Variants in FAIM observed in about 807,000 individuals in gnomAD.
FAIM encodes fas apoptotic inhibitory molecule 1.
A neutral mutation model predicts 21.2 loss-of-function variants in FAIM; 14 were observed. That is an observed-to-expected ratio of 0.66 (90% CI 0.44 to 1.03). The LOEUF (loss-of-function observed/expected upper bound fraction) is 1.03. Ranked by LOEUF, FAIM falls within the 50% of genes least tolerant of loss-of-function variation. The pLI, the probability that FAIM is intolerant of heterozygous loss-of-function variation, is 0.00. For synonymous variants in FAIM, 86 were observed against 80.4 expected (o/e 1.07, Z -0.37); for missense variants, 222 against 247.1 (o/e 0.90, Z 0.68).
chr3:138,628,726 G>A (rs112663291), intron 4 of FAIM, among the ~76,000 whole-genome samples: 8 of 151,902 alleles, frequency 5.3e-5, no homozygotes, highest in South Asian at 4.1e-4. Flanking sequence ...CTTGTGATCC[G>A]CCTGCCTCAG....
intron 1 of FAIM, among the ~76,000 whole-genome samples, chr3:138,611,756 C>T (rs902301364): frequency 2.0e-5 from 3 of 152,150 alleles, no homozygotes; most frequent in African/African-American, 7.2e-5. Flanking sequence ...TGTACCTCCC[C>T]GCTGTCTCTC....
Position 138,622,327 on chromosome 3 carries a change from A to G in FAIM, c.317A>G (p.Lys106Arg). ...GAATATACTCTGGAAATTAATGGGA[A>G]AAGTCTCAAGAAGTATATGGAGGAC... ...AYEYTLEINGKSLKKYMEDRS... is the reference protein window; with the variant it reads ...AYEYTLEINGRSLKKYMEDRS... Residue 106 changes from lysine to arginine, a missense_variant, in exon 4 of 6, where the codon AAA (lysine) becomes AGA (arginine). Physicochemically the swap from Lys to Arg is conservative, Grantham distance 26 (BLOSUM62 2). Coordinates refer to ENST00000360570, the MANE Select transcript of FAIM (RefSeq NM_001033031.2). 6.2e-7 allele frequency: 1 copy of G among 1,614,016 alleles called. No homozygotes were observed. Among genetic ancestry groups the G allele is most frequent in the South Asian group, 1.1e-5 (1 of 91,076 alleles).
chr3:138,624,243 AG>A (rs1174028709), intron 4 of FAIM, among the ~76,000 whole-genome samples: 1 of 152,204 alleles, frequency 6.6e-6, no homozygotes, highest in East Asian at 1.9e-4. Flanking sequence ...TGATGAAACC[AG>A]GCCTTTAAAT....
At chr3:138,628,294 A>G (rs1444205748) in intron 4 of FAIM, among the ~76,000 whole-genome samples, 1 of 152,158 alleles carries the variant, frequency 6.6e-6, no homozygotes, top group Non-Finnish European at 1.5e-5. Flanking sequence ...AGATTTCTAA[A>G]GCGGACATGC....
chr3:138,621,059 G>A (rs914527267), intron 2 of FAIM, among the ~76,000 whole-genome samples: 1 of 152,086 alleles, frequency 6.6e-6, no homozygotes, highest in Non-Finnish European at 1.5e-5. Flanking sequence ...GGAGCTGGTG[G>A]GAGAAGAATA....
At chr3:138,611,019 C>CA (rs1440133804) in intron 1 of FAIM, 24 of 1,613,570 alleles carry the variant, frequency 1.5e-5, no homozygotes, top group Non-Finnish European at 1.9e-5. Flanking sequence ...TTGGTATCTC[C>CA]GGACTCTGCC....
intron 1 of FAIM, among the ~76,000 whole-genome samples, chr3:138,617,859 T>C (rs113168179): frequency 6.8e-6 from 1 of 146,778 alleles, no homozygotes; most frequent in Non-Finnish European, 1.5e-5. Context: ...CTATCTATAT[T>C]ATCTAATTAG....
intron 2 of FAIM, 144 bp from the exon 3 acceptor site, chr3:138,621,263 C>A: frequency 1.3e-6 from 1 of 769,224 alleles, no homozygotes; most frequent in Non-Finnish European, 2.1e-6. Flanking sequence ...GTTACATGTA[C>A]TGTGAGTAGA....
chr3:138,612,720 T>C (rs1408045650), intron 1 of FAIM, among the ~76,000 whole-genome samples: 1 of 152,204 alleles, frequency 6.6e-6, no homozygotes, highest in Non-Finnish European at 1.5e-5. Context: ...CTAGGTCATA[T>C]AGTAATTCTC....
At chr3:138,624,810 TTAATTGATTTAGTACATG>T (rs1322440661) in intron 4 of FAIM, among the ~76,000 whole-genome samples, 1 of 152,086 alleles carries the variant, frequency 6.6e-6, no homozygotes, top group Non-Finnish European at 1.5e-5. Flanking sequence ...TGAGTGAAGT[TTAATTGATTTAGTACATG>T]TAAAGTACTT....
At chr3:138,609,576 CGA>C (rs1185839706) in intron 1 of FAIM, among the ~76,000 whole-genome samples, 421 of 11,772 alleles carry the variant, frequency 0.036, 4 homozygotes, top group African/African-American at 0.049. Flanking sequence ...CTCTCTCTCT[CGA>C]CTCTCTCTCT....
intron 4 of FAIM, among the ~76,000 whole-genome samples, chr3:138,628,747 T>G (rs562962581): frequency 6.6e-6 from 1 of 152,296 alleles, no homozygotes; most frequent in African/African-American, 2.4e-5. Flanking sequence ...TCTCCCAAAG[T>G]GCTGGGATTA....
rs756480212 is a variant in FAIM at position 138,622,369 on chromosome 3, A to G, written c.359A>G (p.Asn120Ser). The part of the protein sequence containing the change: ...KYMEDRSKTT[N>S]TWVLHMDGEN... ...ATGGAGGACAGATCAAAAACCACCAATACTTGGGTATTACACATGGATGGT... is the reference window on the plus strand; with the variant it reads ...ATGGAGGACAGATCAAAAACCACCAGTACTTGGGTATTACACATGGATGGT... Residue 120 changes from asparagine (N) to serine (S), a missense_variant, in exon 4 of 6, where the codon AAT becomes AGT. Coordinates refer to ENST00000360570, the MANE Select transcript of FAIM (RefSeq NM_001033031.2). 5.6e-6 allele frequency: 9 copies of G among 1,613,094 alleles called. No homozygotes were observed. Among genetic ancestry groups the G allele is most frequent in the East Asian group, 4.5e-5 (2 of 44,828 alleles).
At chr3:138,616,600 T>C (rs1391220910) in intron 1 of FAIM, among the ~76,000 whole-genome samples, 11 of 152,106 alleles carry the variant, frequency 7.2e-5, no homozygotes, top group Admixed American at 7.2e-4. Context: ...TTCAAATGAT[T>C]CTCCTGTCTC....
At chr3:138,625,843 G>C (rs1577015464) in intron 4 of FAIM, among the ~76,000 whole-genome samples, 1 of 152,276 alleles carries the variant, frequency 6.6e-6, no homozygotes, top group East Asian at 1.9e-4. Context: ...TGCTAGTAAA[G>C]AGTGATGCTG....
chr3:138,619,836 T>C, intron 2 of FAIM, 66 bp downstream of exon 2: 2 of 1,421,702 alleles, frequency 1.4e-6, no homozygotes, highest in Non-Finnish European at 2.0e-6. Context: ...TTCAAAAGAG[T>C]GATTTATCCA....
chr3:138,631,541 T>C (rs751716312), intron 5 of FAIM, among the ~76,000 whole-genome samples: 2 of 152,210 alleles, frequency 1.3e-5, no homozygotes, highest in Non-Finnish European at 2.9e-5. Context: ...ATAACACAGT[T>C]GCCTTCTCAT....
chr3:138,632,596 G>A (rs1028915835), intron 5 of FAIM, among the ~76,000 whole-genome samples: 2 of 152,090 alleles, frequency 1.3e-5, no homozygotes, highest in African/African-American at 4.8e-5. Flanking sequence ...AGGCTAAGGT[G>A]GGTAGATCAC....
chr3:138,627,826 TAA>T (rs1217855635), intron 4 of FAIM, among the ~76,000 whole-genome samples: 4 of 152,142 alleles, frequency 2.6e-5, no homozygotes, highest in Admixed American at 2.6e-4. Flanking sequence ...CTCCCATCTC[TAA>T]GTGAGGCTCC....
Sources: gnomAD v4.1 joint callset for allele counts (sites outside exome capture counted in the v4.1 genomes callset) on GRCh38, gnomAD v4.1.1 for gene constraint, MANE v1.5 for transcripts, NCBI Gene and HGNC (gene_info 2026-07-23, HGNC 2026-07-21) for gene names.